The following CDKAL1 variants were observed in gnomAD, a reference collection of about 807,000 sequenced individuals.
CDKAL1 encodes threonylcarbamoyladenosine tRNA methylthiotransferase.
A neutral mutation model predicts 68.2 loss-of-function variants in CDKAL1; 32 were observed. That is an observed-to-expected ratio of 0.47 (90% confidence interval 0.35 to 0.63). The LOEUF (loss-of-function observed/expected upper bound fraction) is 0.63. Among genes scored for constraint, CDKAL1 ranks in the 30% least tolerant of loss-of-function variants. The pLI is 0.00. For missense variants in CDKAL1, 606 were observed against 696.7 expected (o/e 0.87, Z 1.47); for synonymous variants, 234 against 244.3 (o/e 0.96, Z 0.39).
intron 9 of CDKAL1, among the ~76,000 whole-genome samples, chr6:20,889,684 T>C (rs1484941599): frequency 1.3e-5 from 2 of 152,234 alleles, no homozygotes; most frequent in Non-Finnish European, 2.9e-5. Context: ...TGTGGTGTTA[T>C]TTCTGAGTGC....
chr6:21,093,683 T>A (rs965900398), intron 12 of CDKAL1, among the ~76,000 whole-genome samples: 2 of 144,536 alleles, frequency 1.4e-5, no homozygotes, highest in African/African-American at 5.1e-5. Flanking sequence ...CCAACTGAGC[T>A]GCTGCTGCTG....
intron 4 of CDKAL1, among the ~76,000 whole-genome samples, chr6:20,589,598 C>T (rs1211271383): frequency 3.9e-5 from 6 of 152,168 alleles, no homozygotes; most frequent in Non-Finnish European, 7.3e-5. Context: ...TGATTCATTA[C>T]GTGCCTTTCA....
chr6:21,091,867 T>C (rs1399909966), intron 12 of CDKAL1, among the ~76,000 whole-genome samples: 1 of 2,522 alleles, frequency 4.0e-4, no homozygotes, highest in African/African-American at 2.6e-3. Flanking sequence ...CTTTTTTTTT[T>C]TTTTTTTTTT....
At chr6:20,795,814 C>T (rs1277956902) in intron 8 of CDKAL1, among the ~76,000 whole-genome samples, 1 of 152,168 alleles carries the variant, frequency 6.6e-6, no homozygotes, top group East Asian at 1.9e-4. Flanking sequence ...GAGTGTCAAA[C>T]TGGCCAGTGC....
At chr6:20,617,575 A>T (rs1766977660) in intron 4 of CDKAL1, among the ~76,000 whole-genome samples, 1 of 151,860 alleles carries the variant, frequency 6.6e-6, no homozygotes, top group Admixed American at 6.6e-5. Flanking sequence ...CCTGTCCTCC[A>T]CCCCATGACA....
chr6:21,057,093 A>C (rs560564166), intron 11 of CDKAL1, among the ~76,000 whole-genome samples: 4 of 152,316 alleles, frequency 2.6e-5, no homozygotes, highest in African/African-American at 9.6e-5. Context: ...TTTCAGAAGA[A>C]ATGTACCAGT....
At chr6:20,768,966 A>G (rs552911375) in intron 7 of CDKAL1, among the ~76,000 whole-genome samples, 6 of 152,128 alleles carry the variant, frequency 3.9e-5, no homozygotes, top group South Asian at 4.2e-4. Context: ...CCCTGCAGCC[A>G]CTCACCTGGA....
intron 12 of CDKAL1, among the ~76,000 whole-genome samples, chr6:21,090,334 G>A (rs928293305): frequency 1.3e-5 from 2 of 152,212 alleles, no homozygotes; most frequent in Non-Finnish European, 2.9e-5. Context: ...TATCAAGGCT[G>A]TAAGTGAAGC....
intron 12 of CDKAL1, among the ~76,000 whole-genome samples, chr6:21,105,034 A>G (rs1367061009): frequency 6.6e-6 from 1 of 152,196 alleles, no homozygotes; most frequent in Non-Finnish European, 1.5e-5. Flanking sequence ...CTTTCTAAAA[A>G]TATTTTCCCC....
chr6:20,916,714 C>G (rs940699015), intron 9 of CDKAL1, among the ~76,000 whole-genome samples: 3 of 152,150 alleles, frequency 2.0e-5, no homozygotes, highest in Admixed American at 6.5e-5. Flanking sequence ...TTTAAAAAGA[C>G]ATTTATATTT....
chr6:20,734,692 C>A lies in CDKAL1; in HGVS notation c.372-4827C>A, dbSNP rs549145261. Among the ~76,000 whole-genome samples the A allele has an allele frequency of 4.6e-5, 7 of 152,082 alleles. No individual in the cohort carries two copies. In the East Asian group the frequency reaches 1.2e-3, roughly 25 times the overall value. On this transcript the variant is annotated intron_variant, in intron 5 of 15. Transcript: ENST00000274695. ...CGGCTTAGATTATAGTTCTGGTCTG[C>A]CTTAGAATTTTAAAGCCAAATTTAA...
chr6:21,189,834 T>C (rs2151095779), intron 13 of CDKAL1, among the ~76,000 whole-genome samples: 1 of 152,202 alleles, frequency 6.6e-6, no homozygotes, highest in African/African-American at 2.4e-5. Flanking sequence ...GGCCAGAAAA[T>C]AGAAGTGAGC....
At chr6:21,019,956 A>T (rs1768552614) in intron 11 of CDKAL1, among the ~76,000 whole-genome samples, 1 of 151,876 alleles carries the variant, frequency 6.6e-6, no homozygotes, top group South Asian at 2.1e-4. Context: ...GTTATCCAAT[A>T]AGTATTTTAT....
chr6:20,666,269 A>G (rs1469180179), intron 5 of CDKAL1, among the ~76,000 whole-genome samples: 1 of 133,570 alleles, frequency 7.5e-6, no homozygotes, highest in Non-Finnish European at 1.6e-5. Context: ...GTTTTTGCCC[A>G]CTAGATTTTT....
Position 20,548,575 on chromosome 6 carries a change from TTA to T in CDKAL1, c.174-16_174-15del. On this transcript the variant is annotated splice_polypyrimidine_tract_variant and intron_variant, in intron 3 of 15. Coordinates refer to ENST00000274695, the MANE Select transcript of CDKAL1 (RefSeq NM_017774.3). ...CTCAATGAAACTTACTTTTTTTTTT[TTA>T]TTGATTCCTTAACAGCACTATTCCA... The T allele has an allele frequency of 9.0e-7, 1 of 1,110,046 alleles. No individual in the cohort carries two copies. Among genetic ancestry groups the T allele is most frequent in the Non-Finnish European group, 1.4e-6 (1 of 738,774 alleles). The allele number at this position is 1,110,046 out of a possible 1,614,324, so 68.8% of individuals were successfully genotyped here.
chr6:21,175,493 T>G (rs1385379098), intron 13 of CDKAL1, among the ~76,000 whole-genome samples: 1 of 152,168 alleles, frequency 6.6e-6, no homozygotes, highest in Non-Finnish European at 1.5e-5. Context: ...AGAGACAAAT[T>G]TAGCACTCAA....
intron 9 of CDKAL1, among the ~76,000 whole-genome samples, chr6:20,881,658 G>A (rs1210845158): frequency 1.3e-5 from 2 of 152,058 alleles, no homozygotes; most frequent in Non-Finnish European, 2.9e-5. Context: ...CTCTTTGAGC[G>A]ATTCCTAAAA....
intron 5 of CDKAL1, among the ~76,000 whole-genome samples, chr6:20,704,547 G>A (rs1771514699): frequency 6.6e-6 from 1 of 152,184 alleles, no homozygotes; most frequent in South Asian, 2.1e-4. Context: ...GGAATAGAAA[G>A]TGCCAGAGGG....
intron 4 of CDKAL1, among the ~76,000 whole-genome samples, chr6:20,589,940 G>T (rs1304589966): frequency 1.3e-5 from 2 of 152,144 alleles, no homozygotes; most frequent in Non-Finnish European, 2.9e-5. Context: ...CACTTTGCTT[G>T]CCATGTGACT....
Sources: allele counts gnomAD v4.1 joint callset (sites outside exome capture counted in the v4.1 genomes callset), GRCh38; gene constraint gnomAD v4.1.1; transcripts MANE v1.5; gene names NCBI Gene and HGNC (gene_info 2026-07-23, HGNC 2026-07-21).